Variants in SMAD6 observed in about 807,000 individuals in gnomAD.
SMAD6 encodes the protein SMAD family member 6.
A neutral mutation model predicts 39.4 loss-of-function variants in SMAD6; 103 were observed. The ratio of observed to expected loss-of-function variants is 2.62; its 90% CI spans 2.23 to 3.08. The LOEUF (loss-of-function observed/expected upper bound fraction) is 3.08. Ranked by LOEUF, SMAD6 falls within the 30% of genes most tolerant of loss-of-function variation. SMAD6 has a pLI of 0.00. For synonymous variants in SMAD6, 445 were observed against 353.3 expected (o/e 1.26, Z -2.91); for missense variants, 1,104 against 742.9 (o/e 1.49, Z -5.65).
At position 66,703,829 on chromosome 15, in the gene SMAD6, CTGCTGGAGGCGG is replaced by C; in HGVS notation, c.574_585del (p.Leu192_Val195del). ...GCTCAAGGAGCGCTCGCTGGACACG[CTGCTGGAGGCGG>C]TGGAGTCCCGCGGCGGCGTGCCGGG... On this transcript the variant is annotated inframe_deletion, in exon 1 of 4. Coordinates refer to ENST00000288840, the MANE Select transcript of SMAD6 (RefSeq NM_005585.5). 1 of 1,408,618 alleles carries C rather than the reference CTGCTGGAGGCGG, an allele frequency of 7.1e-7. No individual in the cohort carries two copies. The highest frequency in any genetic ancestry group is 9.3e-7 in the Non-Finnish European group (1 of 1,069,828). 87.3% of individuals were successfully genotyped at this position (1,408,618 alleles called of 1,614,324 possible).
chr15:66,721,440 C>T (rs948227350), intron 3 of SMAD6, among the ~76,000 whole-genome samples: 6 of 152,118 alleles, frequency 3.9e-5, no homozygotes, highest in Non-Finnish European at 1.5e-5. Flanking sequence ...GTTCCGTGTT[C>T]CAGGGTGTGT....
intron 3 of SMAD6, among the ~76,000 whole-genome samples, chr15:66,730,644 G>T (rs1893611112): frequency 6.6e-6 from 1 of 152,154 alleles, no homozygotes; most frequent in South Asian, 2.1e-4. Context: ...TAGTAATAAT[G>T]ACAACAGCAG....
At chr15:66,726,168 G>C (rs946642759) in intron 3 of SMAD6, among the ~76,000 whole-genome samples, 11 of 152,194 alleles carry the variant, frequency 7.2e-5, no homozygotes, top group African/African-American at 2.7e-4. Context: ...TGGGGAGGAG[G>C]AGACACTGTT....
At chr15:66,771,023 G>C (rs1358306537) in intron 3 of SMAD6, among the ~76,000 whole-genome samples, 5 of 152,332 alleles carry the variant, frequency 3.3e-5, no homozygotes, top group African/African-American at 1.2e-4. Flanking sequence ...GTACCACAGA[G>C]CCCCGGGACC....
intron 3 of SMAD6, among the ~76,000 whole-genome samples, chr15:66,760,917 C>A (rs544789207): frequency 1.3e-5 from 2 of 152,156 alleles, no homozygotes; most frequent in African/African-American, 4.8e-5. Context: ...GAACCCTCCT[C>A]TCGAGGGATC....
chr15:66,705,111 G>T (rs1893083087), intron 1 of SMAD6: 1 of 152,288 alleles, frequency 6.6e-6, no homozygotes, highest in African/African-American at 2.4e-5. Context: ...GCCTGGGAGG[G>T]CTCTGAATCC....
intron 3 of SMAD6, among the ~76,000 whole-genome samples, chr15:66,731,590 G>C (rs1337810817): frequency 6.6e-6 from 1 of 152,130 alleles, no homozygotes; most frequent in African/African-American, 2.4e-5. Context: ...ATAGCCCTTT[G>C]TACCTTTTTT....
At chr15:66,775,682 G>C (rs895069786) in intron 3 of SMAD6, among the ~76,000 whole-genome samples, 1 of 152,202 alleles carries the variant, frequency 6.6e-6, no homozygotes, top group African/African-American at 2.4e-5. Flanking sequence ...CCTGAGCAGG[G>C]GGTAGTGAGC....
Position 66,782,136 on chromosome 15 carries a change from G to A in SMAD6, c.*601G>A. 1 of 387,944 alleles carries A rather than the reference G, an allele frequency of 2.6e-6. No homozygotes were observed. The highest frequency in any genetic ancestry group is 4.4e-5 in the Admixed American group (1 of 22,544). 24.0% of individuals were successfully genotyped at this position (387,944 alleles called of 1,614,324 possible). On this transcript the variant is annotated 3_prime_UTR_variant, in exon 4 of 4. Transcript: ENST00000288840. ...CAGAACAAATTGAAAAGGGAGGAAA[G>A]TCACATTTACTCTTAAGTAAACCAG...
intron 3 of SMAD6, among the ~76,000 whole-genome samples, chr15:66,719,195 G>T (rs1004465150): frequency 1.4e-4 from 22 of 152,192 alleles, no homozygotes; most frequent in Admixed American, 1.2e-3. Context: ...ACATGAGCCT[G>T]GACAGTGTGA....
intron 3 of SMAD6, among the ~76,000 whole-genome samples, chr15:66,750,913 G>A (rs1337407714): frequency 6.6e-6 from 1 of 152,194 alleles, no homozygotes; most frequent in East Asian, 1.9e-4. Context: ...AAAAGCAGGT[G>A]TTGGCATTTG....
rs556680401 is a variant in SMAD6 at position 66,703,149 on chromosome 15, C to T, written c.-110C>T. On this transcript the variant is annotated 5_prime_UTR_variant, in exon 1 of 4. Transcript: ENST00000288840. Reference sequence around the variant, plus strand: ...GCGCGGTCTGCACGGCGCTCCGCGGCGGAGCTTCATGTGGGGCTGCGACCC... The same window carrying T: ...GCGCGGTCTGCACGGCGCTCCGCGGTGGAGCTTCATGTGGGGCTGCGACCC... The T allele has an allele frequency of 2.3e-4, 177 of 780,072 alleles. No individual in the cohort carries two copies. The highest frequency in any genetic ancestry group is 1.8e-3 in the African/African-American group (99 of 54,896). The allele number at this position is 780,072 out of a possible 1,614,324, so 48.3% of individuals were successfully genotyped here. A position where few individuals can be genotyped will look rare whatever the true frequency, so the allele number is the denominator to read the frequency against.
At chr15:66,736,069 A>G (rs1893707640) in intron 3 of SMAD6, among the ~76,000 whole-genome samples, 1 of 152,222 alleles carries the variant, frequency 6.6e-6, no homozygotes, top group South Asian at 2.1e-4. Flanking sequence ...ATGGAAGCAA[A>G]GCCACCCACG....
chr15:66,778,852 G>A (rs1378793005), intron 3 of SMAD6, among the ~76,000 whole-genome samples: 2 of 152,178 alleles, frequency 1.3e-5, no homozygotes, highest in Non-Finnish European at 1.5e-5. Context: ...AGGCTGTTGT[G>A]AAGAACGGGC....
chr15:66,781,497 C>T lies in SMAD6; in HGVS notation c.1453C>T (p.Pro485Ser). 6.3e-7 allele frequency: 1 copy of T among 1,575,872 alleles called. No individual in the cohort carries two copies. The highest frequency in any genetic ancestry group is 8.6e-7 in the Non-Finnish European group (1 of 1,163,918). Residue 485 changes from proline (P) to serine (S), a missense_variant, in exon 4 of 4, where the codon CCC becomes TCC. Coordinates refer to ENST00000288840, the MANE Select transcript of SMAD6 (RefSeq NM_005585.5). ...CYSRQFITSCPCWLEILLNNP... is the reference protein window; with the variant it reads ...CYSRQFITSCSCWLEILLNNP... ...CTCCCGGCAGTTCATCACCTCCTGC[C>T]CCTGCTGGCTGGAGATCCTCCTCAA... is the stretch of plus-strand genomic sequence containing the variant.
At position 66,703,872 on chromosome 15, in the gene SMAD6, G is replaced by T; in HGVS notation, c.614G>T (p.Cys205Phe). The T allele has an allele frequency of 1.5e-6, 2 of 1,319,388 alleles. No individual in the cohort carries two copies. The highest frequency in any genetic ancestry group is 9.7e-7 in the Non-Finnish European group (1 of 1,030,756). The allele number at this position is 1,319,388 out of a possible 1,614,324, so 81.7% of individuals were successfully genotyped here. A position where few individuals can be genotyped will look rare whatever the true frequency, so the allele number is the denominator to read the frequency against. The change falls in exon 1 of 4, where the codon TGC becomes TTC. Residue 205 changes from cysteine (C) to phenylalanine (F), a missense_variant. By Grantham distance (205) the Cys-to-Phe change is radical. Coordinates refer to ENST00000288840, the MANE Select transcript of SMAD6 (RefSeq NM_005585.5). ...TCCCGCGGCGGCGTGCCGGGCGGCT[G>T]CGTGCTGGTGCCGCGCGCCGACCTC... ...VESRGGVPGGCVLVPRADLRL... is the reference protein window; with the variant it reads ...VESRGGVPGGFVLVPRADLRL...
rs147636489 is a variant in SMAD6 at position 66,750,599 on chromosome 15, C to G, written c.953-30398C>G. ...GTTTTCCCAGGAGCAGACCTCGCACCAAAAATTCAAGTGCCCGGTTTATTG... is the reference window on the plus strand; with the variant it reads ...GTTTTCCCAGGAGCAGACCTCGCACGAAAAATTCAAGTGCCCGGTTTATTG... On this transcript the variant is annotated intron_variant, in intron 3 of 3. Coordinates refer to ENST00000288840, the MANE Select transcript of SMAD6 (RefSeq NM_005585.5). Among the ~76,000 whole-genome samples the G allele has an allele frequency of 2.9e-3, 415 of 144,812 alleles. 3 individuals are homozygous for G. The highest frequency in any genetic ancestry group is 9.9e-3 in the African/African-American group (394 of 39,644).
chr15:66,713,301 G>T (rs1893266553), intron 2 of SMAD6, among the ~76,000 whole-genome samples: 1 of 152,192 alleles, frequency 6.6e-6, no homozygotes, highest in African/African-American at 2.4e-5. Flanking sequence ...GTGTGTGTCA[G>T]CATCATCTGG....
At chr15:66,746,154 T>C (rs1893904302) in intron 3 of SMAD6, among the ~76,000 whole-genome samples, 1 of 152,170 alleles carries the variant, frequency 6.6e-6, no homozygotes, top group South Asian at 2.1e-4. Context: ...CCCCAAGCCC[T>C]CCGATACAGG....
Sources: allele counts gnomAD v4.1 joint callset (sites outside exome capture counted in the v4.1 genomes callset), GRCh38; gene constraint gnomAD v4.1.1; transcripts MANE v1.5; gene names NCBI Gene and HGNC (gene_info 2026-07-23, HGNC 2026-07-21).